Variants in IMMP2L observed in about 807,000 individuals in gnomAD.
The protein encoded by IMMP2L is inner mitochondrial membrane peptidase subunit 2, also known as mitochondrial inner membrane protease subunit 2.
In IMMP2L, 18 loss-of-function variants were observed where a neutral mutation model predicts 19.3. That is an observed-to-expected ratio of 0.93 (90% confidence interval 0.64 to 1.38). The LOEUF (loss-of-function observed/expected upper bound fraction) is 1.38, where lower values mean the gene tolerates loss of function less well. Ranked by LOEUF, IMMP2L falls within the 40% of genes most tolerant of loss-of-function variation. The pLI, the probability that IMMP2L is intolerant of heterozygous loss-of-function variation, is 0.00. For missense variants in IMMP2L, 233 were observed against 218.2 expected (o/e 1.07, Z -0.43); for synonymous variants, 76 against 73.0 (o/e 1.04, Z -0.21).
intron 3 of IMMP2L, among the ~76,000 whole-genome samples, chr7:111,444,875 T>C (rs557353385): frequency 2.0e-5 from 3 of 152,272 alleles, no homozygotes; most frequent in South Asian, 4.1e-4. Context: ...CCCTTCCTAC[T>C]GTCCTTCAGC....
chr7:111,482,261 G>C (rs1842256262), intron 3 of IMMP2L, among the ~76,000 whole-genome samples: 1 of 152,038 alleles, frequency 6.6e-6, no homozygotes, highest in Non-Finnish European at 1.5e-5. Context: ...CTGTAAATCT[G>C]TTTCATTATG....
chr7:111,012,272 C>T (rs1825048501), intron 3 of IMMP2L, among the ~76,000 whole-genome samples: 1 of 152,216 alleles, frequency 6.6e-6, no homozygotes, highest in African/African-American at 2.4e-5. Context: ...TTTCCATTAT[C>T]ATTTTGAATT....
intron 5 of IMMP2L, among the ~76,000 whole-genome samples, chr7:110,788,649 T>C (rs552926207): frequency 6.6e-6 from 1 of 151,826 alleles, no homozygotes; most frequent in African/African-American, 2.4e-5. Flanking sequence ...CTCCACTTAG[T>C]CGTCTTATAG....
intron 1 of IMMP2L, among the ~76,000 whole-genome samples, chr7:111,544,010 C>A (rs540420147): frequency 6.6e-6 from 1 of 151,990 alleles, no homozygotes; most frequent in Non-Finnish European, 1.5e-5. Flanking sequence ...GGAAATAAAG[C>A]GACCAACATA....
chr7:111,075,131 T>A (rs2129575755), intron 3 of IMMP2L, among the ~76,000 whole-genome samples: 1 of 141,414 alleles, frequency 7.1e-6, no homozygotes, highest in Non-Finnish European at 1.5e-5. Flanking sequence ...TTTTTTTTTT[T>A]TTTTTTTTTT....
chr7:110,761,587 A>G (rs1025685276), intron 5 of IMMP2L, among the ~76,000 whole-genome samples: 44 of 152,194 alleles, frequency 2.9e-4, no homozygotes, highest in African/African-American at 1.0e-3. Context: ...TTTTTATGAA[A>G]ATAACCATTT....
chr7:111,542,334 T>C (rs543234706), intron 1 of IMMP2L, among the ~76,000 whole-genome samples: 55 of 152,276 alleles, frequency 3.6e-4, no homozygotes, highest in African/African-American at 1.1e-3. Flanking sequence ...TTTGTGTTGA[T>C]TAAAATTTTA....
intron 3 of IMMP2L, among the ~76,000 whole-genome samples, chr7:111,143,528 A>G (rs1803158826): frequency 6.6e-6 from 1 of 152,154 alleles, no homozygotes. Flanking sequence ...CATTTTTTAA[A>G]ACTCACCTTG....
chr7:110,769,343 A>T (rs755477760), intron 5 of IMMP2L, among the ~76,000 whole-genome samples: 1 of 152,184 alleles, frequency 6.6e-6, no homozygotes, highest in Non-Finnish European at 1.5e-5. Context: ...TACAGAGAAC[A>T]CACATGCTGC....
At chr7:111,016,816 T>TATATAA (rs1563163025) in intron 3 of IMMP2L, among the ~76,000 whole-genome samples, 32 of 49,818 alleles carry the variant, frequency 6.4e-4, no homozygotes, top group Non-Finnish European at 1.2e-3. Context: ...ATACTATATA[T>TATATAA]TATATATAAT....
rs1347002366 is a variant in IMMP2L, at chr7:110,789,275, T to C, written c.408+97318A>G. ...ATTTGAATTTCTAACCTATCAAACA[T>C]GTGAGTAAAATAACATGGCTGTTTT... is the stretch of plus-strand genomic sequence containing the variant. On this transcript the variant is annotated intron_variant, in intron 5 of 5. Coordinates refer to ENST00000405709, the MANE Select transcript of IMMP2L (RefSeq NM_032549.4). 4.6e-5 allele frequency among the ~76,000 whole-genome samples: 7 copies of C among 151,936 alleles called. No homozygotes were observed. The South Asian group carries it at 1.5e-3, about 31-fold the overall frequency.
intron 5 of IMMP2L, among the ~76,000 whole-genome samples, chr7:110,801,230 T>A: frequency 6.6e-6 from 1 of 152,106 alleles, no homozygotes; most frequent in East Asian, 1.9e-4. Context: ...GCACCTGCTA[T>A]CTGTTATTTA....
At chr7:111,174,509 A>G (rs1008518688) in intron 3 of IMMP2L, among the ~76,000 whole-genome samples, 1 of 151,728 alleles carries the variant, frequency 6.6e-6, no homozygotes, top group Middle Eastern at 3.2e-3. Flanking sequence ...AATATTACCG[A>G]ATTTCAAGGT....
intron 3 of IMMP2L, among the ~76,000 whole-genome samples, chr7:111,270,057 CTG>C (rs58848663): frequency 0.095 from 13,282 of 140,076 alleles, 644 homozygotes; most frequent in East Asian, 0.16. Flanking sequence ...GCATGTGTGT[CTG>C]TGTGTGTGTG....
At chr7:111,230,006 T>C (rs765313403) in intron 3 of IMMP2L, among the ~76,000 whole-genome samples, 9 of 152,058 alleles carry the variant, frequency 5.9e-5, no homozygotes, top group Non-Finnish European at 1.2e-4. Flanking sequence ...ATGGTTTATT[T>C]TCAGCTTTAT....
At chr7:110,943,597 C>T (rs1816946060) in intron 4 of IMMP2L, among the ~76,000 whole-genome samples, 1 of 151,892 alleles carries the variant, frequency 6.6e-6, no homozygotes, top group Non-Finnish European at 1.5e-5. Flanking sequence ...ACTATTAATA[C>T]CTTGATAGCT....
chr7:111,273,584 G>T (rs1818707683), intron 3 of IMMP2L, among the ~76,000 whole-genome samples: 1 of 152,124 alleles, frequency 6.6e-6, no homozygotes, highest in African/African-American at 2.4e-5. Flanking sequence ...CCTTGAGGAT[G>T]CAGGGAGGTG....
chr7:111,225,852 G>C (rs1813030592), intron 3 of IMMP2L, among the ~76,000 whole-genome samples: 1 of 152,038 alleles, frequency 6.6e-6, no homozygotes, highest in South Asian at 2.1e-4. Context: ...CAAAAGATAA[G>C]ACTTGTTAAG....
rs531459092 is a variant in IMMP2L at position 110,836,561 on chromosome 7, C to A, written c.408+50032G>T. 9.9e-5 allele frequency among the ~76,000 whole-genome samples: 15 copies of A among 152,240 alleles called. No homozygotes were observed. The South Asian group carries it at 3.1e-3, about 32-fold the overall frequency. Reference sequence around the variant, plus strand: ...CATCATGATTGTGAGGCCTCCCCAGCCACATGGAACTGAAAGCCCAATAAA... The same window carrying A: ...CATCATGATTGTGAGGCCTCCCCAGACACATGGAACTGAAAGCCCAATAAA... On this transcript the variant is annotated intron_variant, in intron 5 of 5. Coordinates refer to ENST00000405709, the MANE Select transcript of IMMP2L (RefSeq NM_032549.4).
Sources: gnomAD v4.1 joint callset for allele counts (sites outside exome capture counted in the v4.1 genomes callset) on GRCh38, gnomAD v4.1.1 for gene constraint, MANE v1.5 for transcripts, NCBI Gene and HGNC (gene_info 2026-07-23, HGNC 2026-07-21) for gene names.